The following CTNNA3 variants were observed in gnomAD, a reference collection of about 807,000 sequenced individuals.
The protein encoded by CTNNA3 is catenin alpha-3.
CTNNA3 carries 76 observed loss-of-function variants against 95.7 expected under a neutral mutation model. The observed-to-expected ratio is 0.79, with a 90% CI of 0.66 to 0.96. CTNNA3 has a LOEUF of 0.96. Ranked by LOEUF, CTNNA3 falls within the 40% of genes least tolerant of loss-of-function variation. The pLI is 0.00. For synonymous variants in CTNNA3, 431 were observed against 374.4 expected (o/e 1.15, Z -1.74); for missense variants, 1,191 against 1,089.8 (o/e 1.09, Z -1.31).
intron 7 of CTNNA3, among the ~76,000 whole-genome samples, chr10:66,971,840 C>A (rs990070511): frequency 1.3e-5 from 2 of 151,892 alleles, no homozygotes; most frequent in Non-Finnish European, 2.9e-5. Context: ...AGGTTCTTCT[C>A]TTTAATATTT....
intron 9 of CTNNA3, among the ~76,000 whole-genome samples, chr10:66,738,794 C>A (rs1424955074): frequency 6.6e-6 from 1 of 152,196 alleles, no homozygotes; most frequent in African/African-American, 2.4e-5. Flanking sequence ...CTAATCCTTG[C>A]AGTAAAGTAG....
chr10:66,403,310 C>A (rs2093034050), intron 11 of CTNNA3, among the ~76,000 whole-genome samples: 1 of 146,122 alleles, frequency 6.8e-6, no homozygotes, highest in African/African-American at 2.5e-5. Flanking sequence ...GTATATTAGT[C>A]CATTCTTACA....
At chr10:66,345,022 T>C (rs1186841498) in intron 12 of CTNNA3, among the ~76,000 whole-genome samples, 1 of 152,006 alleles carries the variant, frequency 6.6e-6, no homozygotes, top group Non-Finnish European at 1.5e-5. Flanking sequence ...AATTTCAAAA[T>C]AGGGGAGAGT....
chr10:66,560,470 T>A (rs80161492), intron 10 of CTNNA3, among the ~76,000 whole-genome samples: 7,596 of 152,094 alleles, frequency 0.05, 249 homozygotes, highest in African/African-American at 0.075. Flanking sequence ...TCTTGCAATG[T>A]ATGGTTATTG....
chr10:66,449,265 C>G (rs563795585), intron 11 of CTNNA3, among the ~76,000 whole-genome samples: 7 of 152,136 alleles, frequency 4.6e-5, no homozygotes, highest in African/African-American at 1.7e-4. Context: ...GGAAAAATCA[C>G]TGAAAACTGC....
intron 5 of CTNNA3, among the ~76,000 whole-genome samples, chr10:67,483,144 T>C (rs1395310580): frequency 1.3e-5 from 2 of 151,622 alleles, no homozygotes; most frequent in Non-Finnish European, 2.9e-5. Flanking sequence ...TGTGGAGAAA[T>C]AGGAACACTT....
At chr10:67,143,617 T>G (rs1860700156) in intron 7 of CTNNA3, among the ~76,000 whole-genome samples, 1 of 152,058 alleles carries the variant, frequency 6.6e-6, no homozygotes, top group Admixed American at 6.6e-5. Context: ...TCACTGGGAA[T>G]AGAGTTCATC....
chr10:66,722,012 G>A (rs1183011895), intron 9 of CTNNA3, among the ~76,000 whole-genome samples: 5 of 152,194 alleles, frequency 3.3e-5, no homozygotes, highest in Non-Finnish European at 5.9e-5. Flanking sequence ...ACTGAGAGAA[G>A]AAGCATATTA....
intron 10 of CTNNA3, among the ~76,000 whole-genome samples, chr10:66,564,074 T>C (rs1333901978): frequency 1.3e-5 from 2 of 152,086 alleles, no homozygotes; most frequent in Non-Finnish European, 2.9e-5. Context: ...TCCTTAACCT[T>C]GGCAAAACAA....
chr10:66,549,658 C>A (rs1419628111), intron 10 of CTNNA3, among the ~76,000 whole-genome samples: 1 of 152,178 alleles, frequency 6.6e-6, no homozygotes, highest in Admixed American at 6.5e-5. Flanking sequence ...GCTTTTCCTA[C>A]AAATTGTAAT....
chr10:66,266,352 AAC>A (rs2091158758), intron 13 of CTNNA3, among the ~76,000 whole-genome samples: 2 of 151,970 alleles, frequency 1.3e-5, no homozygotes, highest in East Asian at 3.9e-4. Flanking sequence ...ACCACAGCCT[AAC>A]ACACTGTCTT....
intron 5 of CTNNA3, among the ~76,000 whole-genome samples, chr10:67,399,683 T>C (rs551686353): frequency 1.5e-4 from 23 of 152,302 alleles, no homozygotes; most frequent in Admixed American, 7.2e-4. Flanking sequence ...ACTTCCCTGA[T>C]CCTGTCAACT....
chr10:67,324,872 T>C (rs1348719704), intron 5 of CTNNA3, among the ~76,000 whole-genome samples: 2 of 151,974 alleles, frequency 1.3e-5, no homozygotes, highest in Admixed American at 6.6e-5. Context: ...ACCTGGTTCT[T>C]GGCTTTTTTG....
chr10:65,953,394 C>A (rs1362960799), intron 17 of CTNNA3, among the ~76,000 whole-genome samples: 1 of 148,426 alleles, frequency 6.7e-6, no homozygotes, highest in Non-Finnish European at 1.5e-5. Context: ...AGTGTTTTTT[C>A]TTTTATTATA....
chr10:67,056,528 C>T (rs1855441753), intron 7 of CTNNA3, among the ~76,000 whole-genome samples: 3 of 152,306 alleles, frequency 2.0e-5, no homozygotes, highest in Admixed American at 1.3e-4. Context: ...TCTGTAAACA[C>T]TGTACTTCTT....
chr10:66,603,925 A>C (rs1844022664), intron 10 of CTNNA3, among the ~76,000 whole-genome samples: 1 of 152,170 alleles, frequency 6.6e-6, no homozygotes, highest in Non-Finnish European at 1.5e-5. Flanking sequence ...TACAAAAATC[A>C]AATAAAATTA....
intron 5 of CTNNA3, among the ~76,000 whole-genome samples, chr10:67,409,275 C>T (rs187418090): frequency 1.3e-5 from 2 of 152,130 alleles, no homozygotes; most frequent in East Asian, 1.9e-4. Context: ...ACTATAAAGA[C>T]GCATGCACAC....
chr10:66,280,448 A>G (rs1389087571), intron 13 of CTNNA3, 22 bp downstream of exon 13: 1 of 1,595,130 alleles, frequency 6.3e-7, no homozygotes, highest in Non-Finnish European at 8.5e-7. Context: ...CAATAATTCA[A>G]TGGAAGGAAA....
intron 15 of CTNNA3, among the ~76,000 whole-genome samples, chr10:66,024,084 C>CCTTTTTTTTTTTTTT (rs1183185763): frequency 4.8e-5 from 3 of 62,680 alleles, no homozygotes; most frequent in Non-Finnish European, 6.8e-5. Flanking sequence ...ATACCATACA[C>CCTTTTTTTTTTTTTT]ATTTTTTTTT....
Sources: gnomAD v4.1 joint callset for allele counts (sites outside exome capture counted in the v4.1 genomes callset) on GRCh38, gnomAD v4.1.1 for gene constraint, MANE v1.5 for transcripts, NCBI Gene and HGNC (gene_info 2026-07-23, HGNC 2026-07-21) for gene names.